LSAMP: variants seen among roughly 807,000 people sequenced by gnomAD.
The protein encoded by LSAMP is limbic system-associated membrane protein.
Under a neutral mutation model 38.6 loss-of-function variants are expected in LSAMP, and 7 were observed. The ratio of observed to expected loss-of-function variants is 0.18; its 90% CI spans 0.10 to 0.34. LSAMP has a LOEUF of 0.34. Among genes scored for constraint, LSAMP ranks in the 10% least tolerant of loss-of-function variants. LSAMP has a pLI of 1.00. For missense variants in LSAMP, 313 were observed against 420.0 expected, an observed-to-expected ratio of 0.75 and a Z score of 2.23; for synonymous variants, 154 against 166.8, an observed-to-expected ratio of 0.92 and a Z score of 0.59.
intron 1 of LSAMP, among the ~76,000 whole-genome samples, chr3:116,391,273 G>A (rs1284846256): frequency 1.3e-5 from 2 of 151,852 alleles, no homozygotes; most frequent in Admixed American, 1.3e-4. Flanking sequence ...CAGCAGTGGC[G>A]GTGGTGGGAC....
chr3:116,026,085 T>G (rs1159849177), intron 2 of LSAMP, among the ~76,000 whole-genome samples: 1 of 152,174 alleles, frequency 6.6e-6, no homozygotes, highest in Non-Finnish European at 1.5e-5. Flanking sequence ...GCATTGGGCC[T>G]ACATATTTTT....
chr3:115,914,315 T>A (rs1937199565), intron 3 of LSAMP, among the ~76,000 whole-genome samples: 1 of 152,190 alleles, frequency 6.6e-6, no homozygotes. Context: ...ACCCTCACTA[T>A]CCAATCACCC....
intron 1 of LSAMP, among the ~76,000 whole-genome samples, chr3:116,088,866 T>C (rs1407961541): frequency 6.6e-6 from 1 of 152,162 alleles, no homozygotes; most frequent in Non-Finnish European, 1.5e-5. Context: ...ATACCACCAA[T>C]AACTAATCTA....
chr3:115,951,443 A>T (rs1244798614), intron 3 of LSAMP, among the ~76,000 whole-genome samples: 2 of 152,164 alleles, frequency 1.3e-5, no homozygotes. Flanking sequence ...AAATAGTCCC[A>T]TCAGAAGTGG....
chr3:115,985,036 G>C (rs1334192911), intron 3 of LSAMP, among the ~76,000 whole-genome samples: 4 of 152,136 alleles, frequency 2.6e-5, no homozygotes, highest in African/African-American at 9.7e-5. Flanking sequence ...GCAATAATAA[G>C]ATAAACTTTG....
intron 1 of LSAMP, among the ~76,000 whole-genome samples, chr3:116,245,068 A>G (rs1218403119): frequency 6.6e-6 from 1 of 152,194 alleles, no homozygotes; most frequent in Non-Finnish European, 1.5e-5. Context: ...ATGTGACTAT[A>G]CTAGGAGATA....
At chr3:115,905,357 G>A (rs1045631607) in intron 3 of LSAMP, among the ~76,000 whole-genome samples, 1 of 151,894 alleles carries the variant, frequency 6.6e-6, no homozygotes, top group Non-Finnish European at 1.5e-5. Context: ...ATGATATTGG[G>A]AAACATTCTT....
At chr3:115,912,794 C>T (rs903786566) in intron 3 of LSAMP, among the ~76,000 whole-genome samples, 8 of 152,136 alleles carry the variant, frequency 5.3e-5, no homozygotes, top group African/African-American at 1.7e-4. Flanking sequence ...GTTGAGGCTT[C>T]CTTTGTCTGT....
intron 3 of LSAMP, among the ~76,000 whole-genome samples, chr3:115,883,638 G>T (rs75931464): frequency 0.083 from 12,583 of 152,086 alleles, 707 homozygotes; most frequent in East Asian, 0.16. Context: ...GGGTCCTCAA[G>T]CAACCATTGA....
At chr3:116,213,110 T>A (rs1245412993) in intron 1 of LSAMP, among the ~76,000 whole-genome samples, 1 of 152,230 alleles carries the variant, frequency 6.6e-6, no homozygotes, top group Non-Finnish European at 1.5e-5. Context: ...AGAGGTGGGA[T>A]AAATGCATGA....
At chr3:116,120,408 A>G (rs935195214) in intron 1 of LSAMP, among the ~76,000 whole-genome samples, 3 of 152,038 alleles carry the variant, frequency 2.0e-5, no homozygotes, top group African/African-American at 4.8e-5. Flanking sequence ...GGAATGAAAG[A>G]AGGAGGGAGG....
chr3:116,325,292 C>T (rs2047755246), intron 1 of LSAMP, among the ~76,000 whole-genome samples: 1 of 151,856 alleles, frequency 6.6e-6, no homozygotes, highest in East Asian at 1.9e-4. Flanking sequence ...AGGTGTATAC[C>T]ACCACACCTG....
chr3:115,902,956 A>G (rs138622185), intron 3 of LSAMP, among the ~76,000 whole-genome samples: 1 of 152,050 alleles, frequency 6.6e-6, no homozygotes, highest in African/African-American at 2.4e-5. Flanking sequence ...AGAGCTAAGA[A>G]CTACCTTCAA....
At chr3:115,884,879 A>G (rs906140945) in intron 3 of LSAMP, among the ~76,000 whole-genome samples, 15 of 152,072 alleles carry the variant, frequency 9.9e-5, no homozygotes, top group Admixed American at 9.2e-4. Context: ...AAATGTAATA[A>G]AAGAGGTATT....
intron 1 of LSAMP, among the ~76,000 whole-genome samples, chr3:116,146,617 T>G (rs868024456): frequency 2.6e-5 from 4 of 152,036 alleles, no homozygotes; most frequent in Middle Eastern, 3.4e-3. Context: ...GTTGCATGAA[T>G]AAACAGTAAT....
intron 1 of LSAMP, among the ~76,000 whole-genome samples, chr3:116,417,547 T>C (rs929577510): frequency 2.6e-5 from 4 of 152,214 alleles, no homozygotes; most frequent in African/African-American, 9.6e-5. Flanking sequence ...TTTCTTCCTT[T>C]GCTTAAAAAT....
chr3:115,940,941 T>C (rs1937898313), intron 3 of LSAMP, among the ~76,000 whole-genome samples: 1 of 152,156 alleles, frequency 6.6e-6, no homozygotes. Flanking sequence ...CCATTTCTTT[T>C]TCTCTAAAAA....
chr3:115,808,083 C>CTCCTTCCTTCCT lies in LSAMP; in HGVS notation c.*2222_*2233dup, dbSNP rs1170641773. ...TCTCCCTCCTGCCTTCCTTTCCTTT[C>CTCCTTCCTTCCT]TCCTTCCTTCCTTCCTTCCTTCCTT... On this transcript the variant is annotated 3_prime_UTR_variant, in exon 7 of 7. Coordinates refer to ENST00000490035, the MANE Select transcript of LSAMP (RefSeq NM_002338.5). 4.6e-4 allele frequency: 52 copies of CTCCTTCCTTCCT among 112,436 alleles called. 3 individuals carry two copies. Among genetic ancestry groups the CTCCTTCCTTCCT allele is most frequent in the African/African-American group, 1.8e-3 (48 of 26,106 alleles). The allele number at this position is 112,436 out of a possible 1,614,324, so 7.0% of individuals were successfully genotyped here.
intron 1 of LSAMP, among the ~76,000 whole-genome samples, chr3:116,231,774 A>T (rs1012829318): frequency 2.6e-5 from 4 of 152,192 alleles, no homozygotes; most frequent in African/African-American, 9.7e-5. Context: ...AGAAAAAAGG[A>T]CACAGTTAAG....
Sources: gnomAD v4.1 joint callset for allele counts (sites outside exome capture counted in the v4.1 genomes callset) on GRCh38, gnomAD v4.1.1 for gene constraint, MANE v1.5 for transcripts, NCBI Gene and HGNC (gene_info 2026-07-23, HGNC 2026-07-21) for gene names.